Variants in HELZ2 observed in about 807,000 individuals in gnomAD.
The protein encoded by HELZ2 is 3'-5' exoribonuclease HELZ2.
Under a neutral mutation model 208.8 loss-of-function variants are expected in HELZ2, and 143 were observed. The observed-to-expected ratio is 0.68, with a 90% CI of 0.60 to 0.79. The LOEUF (loss-of-function observed/expected upper bound fraction) is 0.79, where lower values mean the gene tolerates loss of function less well. Ranked by LOEUF, HELZ2 falls within the 30% of genes least tolerant of loss-of-function variation. The pLI is 0.00. For synonymous variants in HELZ2, 1,705 were observed against 1,693.7 expected, an observed-to-expected ratio of 1.01 and a Z score of -0.16; for missense variants, 3,690 against 3,794.5, an observed-to-expected ratio of 0.97 and a Z score of 0.72.
chr20:63,569,112 C>T (rs767175727), intron 4 of HELZ2, 36 bp downstream of exon 5: 1 of 1,579,024 alleles, frequency 6.3e-7, no homozygotes. Context: ...CCAGCTGCTC[C>T]TGCTACCCCA....
exon 8 of HELZ2, chr20:63,562,605 T>TGTG (rs770242590): frequency 7.5e-5 from 119 of 1,596,998 alleles, no homozygotes; most frequent in Non-Finnish European, 9.8e-5. Context: ...TCCATGCCCA[T>TGTG]GTGGTGGACG....
In HELZ2 at chr20:63,561,594, G is replaced by A; in HGVS notation, c.6836+7C>T. The A allele has an allele frequency of 1.3e-6, 2 of 1,598,690 alleles. No homozygotes were observed. Among genetic ancestry groups the A allele is most frequent in the South Asian group, 2.3e-5 (2 of 88,542 alleles). On this transcript the variant is annotated splice_region_variant and intron_variant, in intron 12 of 18. Transcript: ENST00000467148. ...CTCCGCCCAAGCCCCAAAGACAGCA[G>A]GCACACCTGAGGCTCTGGTTCGGCC...
At chr20:63,572,695 C>T, upstream of HELZ2, 1 of 374,276 alleles carries the variant, frequency 2.7e-6, no homozygotes, top group East Asian at 4.3e-5. Flanking sequence ...CCCGGCCTGC[C>T]CCTCCCTGGG....
Position 63,564,173 on chromosome 20 carries a change from G to A in HELZ2, c.4649C>T (p.Thr1550Met), listed in dbSNP as rs1293344286. The A allele has an allele frequency of 2.9e-5, 47 of 1,611,644 alleles. No individual in the cohort carries two copies. The highest frequency in any genetic ancestry group is 3.4e-5 in the Non-Finnish European group (40 of 1,179,550). The change falls in exon 8 of 19, where the codon ACG (threonine) becomes ATG (methionine). Residue 1550 changes from threonine to methionine, a missense_variant. Coordinates refer to ENST00000467148, the Ensembl canonical transcript of HELZ2. ...GGGTGCTGGCTGCCACCGCAGAGGC[G>A]TGACCGTCCGCGTGCACTCGCTGCC... is the stretch of plus-strand genomic sequence containing the variant.
At chr20:63,573,552 T>C (rs2083032986), upstream of HELZ2, among the ~76,000 whole-genome samples, 1 of 152,022 alleles carries the variant, frequency 6.6e-6, no homozygotes, top group African/African-American at 2.4e-5. The surrounding 1 kb of genome is among the most constrained non-coding windows in gnomAD (Gnocchi z 4.9). Context: ...CTTGGCACAG[T>C]GCCGCCCCCA....
chr20:63,565,881 C>T lies in HELZ2; in HGVS notation c.2941G>A (p.Val981Ile), dbSNP rs765557360. 24 of 1,597,560 alleles carry T rather than the reference C, an allele frequency of 1.5e-5. No homozygotes were observed. In the South Asian group the frequency reaches 2.5e-4, roughly 17 times the overall value. ...GCCTGCTCCTCGGCCAGGTCCCCTA[C>T]TGGCTCTGGGGCAGCCTCCCAGTTC... Residue 981 changes from valine (V) to isoleucine (I), a missense_variant, in exon 8 of 19, where the codon GTA (valine) becomes ATA (isoleucine). Around this residue, in one of 3 missense-constraint regions of HELZ2, gnomAD observed 2,564 missense variants for 2,580.5 expected, o/e 0.99. Transcript: ENST00000467148.
Position 63,569,297 on chromosome 20 carries a change from G to A in HELZ2, c.939C>T (p.Ala313=), listed in dbSNP as rs1212782149. ...CAGGGCCCTTGTACTTGGCCATCAGGGCCGTCTGCTCGGCCGTCCGCTCCA... is the reference window on the plus strand; with the variant it reads ...CAGGGCCCTTGTACTTGGCCATCAGAGCCGTCTGCTCGGCCGTCCGCTCCA... Residue 313 remains alanine (A), a synonymous_variant, in exon 4 of 19, where the codon GCC becomes GCT. Coordinates refer to ENST00000467148, the Ensembl canonical transcript of HELZ2. 8 of 1,575,374 alleles carry A rather than the reference G, an allele frequency of 5.1e-6. No homozygotes were observed. In the African/African-American group the frequency reaches 8.1e-5, roughly 16 times the overall value.
rs145788793 is a variant in HELZ2 at position 63,565,500 on chromosome 20, G to A, written c.3322C>T (p.Arg1108Trp). Residue 1108 changes from arginine to tryptophan, a missense_variant, in exon 8 of 19, where the codon CGG (arginine) becomes TGG (tryptophan). Around this residue, in one of 3 missense-constraint regions of HELZ2, gnomAD observed 2,564 missense variants for 2,580.5 expected, o/e 0.99. Transcript: ENST00000467148. Reference sequence around the variant, plus strand: ...GCCGGGGGCAGGTTCTCGTACAGCCGGGCCTGCTGCAGGGACTCGGGCCTG... The same window carrying A: ...GCCGGGGGCAGGTTCTCGTACAGCCAGGCCTGCTGCAGGGACTCGGGCCTG... The A allele has an allele frequency of 1.6e-4, 264 of 1,606,396 alleles. No individual in the cohort carries two copies. The highest frequency in any genetic ancestry group is 1.5e-4 in the Non-Finnish European group (171 of 1,179,260).
chr20:63,564,064 G>GCCT (rs1962239928), exon 8 of HELZ2: 1 of 1,605,718 alleles, frequency 6.2e-7, no homozygotes, highest in African/African-American at 1.3e-5. Context: ...TGCCCCCGCC[G>GCCT]CCGTGCAGGT....
chr20:63,561,280 G>A lies in HELZ2; in HGVS notation c.6954-6C>T, dbSNP rs746124085. 25 of 1,612,248 alleles carry A rather than the reference G, an allele frequency of 1.6e-5. No individual in the cohort carries two copies. Among genetic ancestry groups the A allele is most frequent in the South Asian group, 3.3e-5 (3 of 91,026 alleles). On this transcript the variant is annotated splice_polypyrimidine_tract_variant and splice_region_variant and intron_variant, in intron 13 of 18. Transcript: ENST00000467148. ...CCCACAAGACCTTCTTGTACCTGCC[G>A]GGGACACTGCTTGTCACCCCAGGGC...
At chr20:63,559,413 GGGA>G (rs1432772266) in intron 18 of HELZ2, 43 bp from the exon 20 acceptor site, 17 of 1,507,894 alleles carry the variant, frequency 1.1e-5, no homozygotes, top group East Asian at 7.2e-5. Flanking sequence ...AGGGTCAGGT[GGGA>G]GGAGTCAGGG....
At chr20:63,562,965 A>G (rs1188718282) in exon 8 of HELZ2, 1 of 1,590,928 alleles carries the variant, frequency 6.3e-7, no homozygotes, top group Admixed American at 1.8e-5. Context: ...CCGGTGGCCG[A>G]CTCCAGGGCG....
downstream of HELZ2, chr20:63,558,785 G>A (rs541086064): frequency 1.4e-3 from 217 of 152,822 alleles, 1 homozygote; most frequent in South Asian, 6.1e-3. Flanking sequence ...TGATCTGCCC[G>A]CCTCGGCTTC....
chr20:63,563,229 T>C, exon 8 of HELZ2: 5 of 1,568,664 alleles, frequency 3.2e-6, no homozygotes, highest in Non-Finnish European at 4.3e-6. Context: ...CCACAGTGGC[T>C]CCGCTGCACC....
At position 63,567,455 on chromosome 20, in the gene HELZ2, G is replaced by A. The variant is rs369045635; in HGVS notation, c.1903C>T (p.Arg635Trp). The change falls in exon 6 of 19, where the codon CGG becomes TGG. Residue 635 changes from arginine (R) to tryptophan (W), a missense_variant. Around this residue, in one of 3 missense-constraint regions of HELZ2, gnomAD observed 1,119 missense variants for 1,193.4 expected, o/e 0.94. Transcript: ENST00000467148. ...ACGCGGTGCCGCGCCAGCTCTGCCC[G>A]TGTGGGCGGGCGGAAAGCCTGGCGG... 4.7e-5 allele frequency: 74 copies of A among 1,558,302 alleles called. No individual in the cohort carries two copies. The African/African-American group carries it at 8.0e-4, about 17-fold the overall frequency.
exon 8 of HELZ2, chr20:63,564,737 A>C: frequency 1.2e-6 from 2 of 1,611,440 alleles, no homozygotes; most frequent in East Asian, 2.2e-5. Flanking sequence ...CCTGGGACCC[A>C]GGTCTCGGAC....
exon 8 of HELZ2, chr20:63,564,433 C>A (rs1250767727): frequency 3.2e-6 from 5 of 1,553,212 alleles, no homozygotes; most frequent in African/African-American, 1.4e-5. Context: ...GCCTGATCAC[C>A]TCCTCCGCCT....
At position 63,568,642 on chromosome 20, in the gene HELZ2, G is replaced by A. The variant is rs954172950; in HGVS notation, c.1446C>T (p.His482=). The A allele has an allele frequency of 3.7e-6, 6 of 1,604,036 alleles. No homozygotes were observed. The South Asian group carries it at 5.5e-5, about 15-fold the overall frequency. The change falls in exon 5 of 19, where the codon CAC becomes CAT. Residue 482 remains histidine (H), a synonymous_variant. Transcript: ENST00000467148. ...CCTCAGGCAGTGTGTCCACTGCCTGGTGCCAGAGGCGGAAGGTCATCGGGT... is the reference window on the plus strand; with the variant it reads ...CCTCAGGCAGTGTGTCCACTGCCTGATGCCAGAGGCGGAAGGTCATCGGGT...
At chr20:63,573,506 G>T (rs1457283843), upstream of HELZ2, among the ~76,000 whole-genome samples, 2 of 152,080 alleles carry the variant, frequency 1.3e-5, no homozygotes, top group Non-Finnish European at 2.9e-5. This position sits in a 1 kb window ranked among gnomAD's most constrained non-coding sequence, Gnocchi z 4.9. Flanking sequence ...AAGGAGCCAA[G>T]GTGACTGCTT....
Sources: gnomAD v4.1 joint callset for allele counts (sites outside exome capture counted in the v4.1 genomes callset) on GRCh38, gnomAD v4.1.1 for gene constraint, gnomAD v4.1.1 regional missense constraint, Gnocchi (gnomAD v3.1) non-coding constraint, MANE v1.5 for transcripts, NCBI Gene and HGNC (gene_info 2026-07-23, HGNC 2026-07-21) for gene names.